Variants in LSAMP observed in about 807,000 individuals in gnomAD.
The protein encoded by LSAMP is limbic system-associated membrane protein.
Under a neutral mutation model 38.6 loss-of-function variants are expected in LSAMP, and 7 were observed. That is an observed-to-expected ratio of 0.18 (90% CI 0.10 to 0.34). The LOEUF is 0.34. LSAMP is among the 10% of genes least tolerant of loss of function. The pLI is 1.00. For missense variants in LSAMP, 313 were observed against 420.0 expected (o/e 0.75, Z 2.23); for synonymous variants, 154 against 166.8 (o/e 0.92, Z 0.59).
At chr3:116,286,829 T>C (rs1253469822) in intron 1 of LSAMP, among the ~76,000 whole-genome samples, 2 of 151,880 alleles carry the variant, frequency 1.3e-5, no homozygotes, top group Middle Eastern at 3.4e-3. Flanking sequence ...AATATTAATG[T>C]CATTAACTTT....
chr3:116,083,694 G>C (rs1331865806), intron 2 of LSAMP, among the ~76,000 whole-genome samples: 2 of 152,198 alleles, frequency 1.3e-5, no homozygotes, highest in African/African-American at 4.8e-5. Context: ...AAGTGTCTTA[G>C]AGTCTAAAGA....
chr3:116,106,844 G>A (rs912248960), intron 1 of LSAMP, among the ~76,000 whole-genome samples: 1 of 152,118 alleles, frequency 6.6e-6, no homozygotes, highest in African/African-American at 2.4e-5. Flanking sequence ...CCAGTCCTGG[G>A]TGGGGGCAAA....
intron 1 of LSAMP, among the ~76,000 whole-genome samples, chr3:116,304,311 T>C (rs2047453529): frequency 6.6e-6 from 1 of 152,110 alleles, no homozygotes; most frequent in South Asian, 2.1e-4. Context: ...TATGTAAAGA[T>C]ATTGGGCTTG....
intron 3 of LSAMP, among the ~76,000 whole-genome samples, chr3:115,954,976 A>C (rs1232775619): frequency 6.8e-6 from 1 of 147,572 alleles, no homozygotes; most frequent in African/African-American, 2.5e-5. Context: ...TTTTTTTGAG[A>C]TGGAGTCTTG....
intron 6 of LSAMP, among the ~76,000 whole-genome samples, chr3:115,830,763 A>T (rs1358703814): frequency 6.6e-6 from 1 of 152,226 alleles, no homozygotes; most frequent in African/African-American, 2.4e-5. Context: ...TCTTCACAGC[A>T]TGGGATATGT....
intron 3 of LSAMP, among the ~76,000 whole-genome samples, chr3:115,916,007 G>A (rs1326648452): frequency 6.6e-6 from 1 of 152,106 alleles, no homozygotes; most frequent in Admixed American, 6.5e-5. Flanking sequence ...AGGCCATCCT[G>A]TTTTCAGTCA....
At chr3:116,396,350 T>C (rs527611213) in intron 1 of LSAMP, among the ~76,000 whole-genome samples, 2 of 152,318 alleles carry the variant, frequency 1.3e-5, no homozygotes, top group South Asian at 2.1e-4. Flanking sequence ...CTTCTGGGCC[T>C]GGGATTCGCC....
intron 1 of LSAMP, among the ~76,000 whole-genome samples, chr3:116,357,862 T>A (rs1475606742): frequency 7.0e-6 from 1 of 143,020 alleles, no homozygotes; most frequent in Non-Finnish European, 1.5e-5. Context: ...GGGGCTTACA[T>A]AAGGAAAACA....
chr3:116,224,763 G>A (rs1422968691), intron 1 of LSAMP, among the ~76,000 whole-genome samples: 1 of 152,112 alleles, frequency 6.6e-6, no homozygotes, highest in Non-Finnish European at 1.5e-5. Flanking sequence ...TAGTTCTTGA[G>A]CTTATTCAGC....
In LSAMP at chr3:115,928,973, G is replaced by GTTTTTTTTTTTTTTTTTTT. The variant is rs67711628; in HGVS notation, c.515-76357_515-76356insAAAAAAAAAAAAAAAAAAA. 2.8e-4 allele frequency among the ~76,000 whole-genome samples: 31 copies of GTTTTTTTTTTTTTTTTTTT among 109,924 alleles called. 1 individual carries two copies. The highest frequency in any genetic ancestry group is 8.2e-4 in the African/African-American group (23 of 28,058). 72.1% of individuals were successfully genotyped at this position (109,924 alleles called of 152,430 possible). Reference sequence around the variant, plus strand: ...GGCTTATCATGCAGGTTTTTTGTTTGTTTTTTTTTTTTTTTTTGCTTGTTT... The same window carrying GTTTTTTTTTTTTTTTTTTT: ...GGCTTATCATGCAGGTTTTTTGTTTGTTTTTTTTTTTTTTTTTTTTTTTTTTTTTTTTTTTTGCTTGTTT... On this transcript the variant is annotated intron_variant, in intron 3 of 6. Transcript: ENST00000490035.
At chr3:116,393,395 C>T (rs747070448) in intron 1 of LSAMP, among the ~76,000 whole-genome samples, 48 of 152,164 alleles carry the variant, frequency 3.2e-4, no homozygotes, top group Non-Finnish European at 6.2e-4. Context: ...AACCAGTGCC[C>T]GTTATGGCAC....
chr3:116,048,532 A>C (rs980821531), intron 2 of LSAMP, among the ~76,000 whole-genome samples: 1 of 152,236 alleles, frequency 6.6e-6, no homozygotes, highest in Non-Finnish European at 1.5e-5. Context: ...AAATATAAAC[A>C]GAGTCACATG....
chr3:116,108,318 A>G (rs1039091277), intron 1 of LSAMP, among the ~76,000 whole-genome samples: 2 of 145,946 alleles, frequency 1.4e-5, no homozygotes, highest in African/African-American at 5.6e-5. Flanking sequence ...GGTGGGGATA[A>G]CTAAAAAGGA....
At chr3:116,203,054 G>C (rs1218488817) in intron 1 of LSAMP, among the ~76,000 whole-genome samples, 1 of 152,160 alleles carries the variant, frequency 6.6e-6, no homozygotes, top group Non-Finnish European at 1.5e-5. Flanking sequence ...TCTAGTTTTA[G>C]AGAATCATAT....
intron 1 of LSAMP, among the ~76,000 whole-genome samples, chr3:116,111,164 A>G (rs1022260266): frequency 2.0e-5 from 3 of 152,182 alleles, no homozygotes; most frequent in African/African-American, 7.2e-5. Flanking sequence ...ACTTCAGGCC[A>G]TCTGGGCATA....
At chr3:116,127,378 T>C (rs1709030961) in intron 1 of LSAMP, among the ~76,000 whole-genome samples, 1 of 152,126 alleles carries the variant, frequency 6.6e-6, no homozygotes, top group African/African-American at 2.4e-5. Context: ...CCCATCTTAA[T>C]CAAAGAGTAG....
chr3:116,160,517 GAAGAGGAAAGGAAAAGAA>G, intron 1 of LSAMP, among the ~76,000 whole-genome samples: 2 of 151,464 alleles, frequency 1.3e-5, no homozygotes, highest in South Asian at 4.2e-4. Flanking sequence ...GAGGAAAAGA[GAAGAGGAAAGGAAAAGAA>G]AAGAAAAGAA....
chr3:115,865,087 T>C (rs1935819441), intron 3 of LSAMP, among the ~76,000 whole-genome samples: 1 of 152,216 alleles, frequency 6.6e-6, no homozygotes, highest in Non-Finnish European at 1.5e-5. Flanking sequence ...CTAATGGATG[T>C]CAATGTACAA....
rs141781990 is a variant in LSAMP at position 116,054,452 on chromosome 3, A to C, written c.388+31872T>G. ...CCTACCTCAGACATACTTAGCCCAG[A>C]GAATAAAGCAGGGGTGAAATGTGAA... On this transcript the variant is annotated intron_variant, in intron 2 of 6. Transcript: ENST00000490035. Among the ~76,000 whole-genome samples the C allele has an allele frequency of 4.6e-4, 70 of 152,264 alleles. 2 individuals carry two copies. The East Asian group carries it at 0.013, about 28-fold the overall frequency.
Sources: allele counts gnomAD v4.1 joint callset (sites outside exome capture counted in the v4.1 genomes callset), GRCh38; gene constraint gnomAD v4.1.1; transcripts MANE v1.5; gene names NCBI Gene and HGNC (gene_info 2026-07-23, HGNC 2026-07-21).